The following CFAP299 variants were observed in gnomAD, a reference collection of about 807,000 sequenced individuals.
CFAP299 encodes cilia- and flagella-associated protein 299.
In CFAP299, 21 loss-of-function variants were observed where a neutral mutation model predicts 27.0. The observed-to-expected ratio is 0.78, with a 90% confidence interval of 0.55 to 1.12. CFAP299 has a LOEUF of 1.12. Ranked by LOEUF, CFAP299 falls within the 50% of genes most tolerant of loss-of-function variation. The pLI, the probability that CFAP299 is intolerant of heterozygous loss-of-function variation, is 0.00. For missense variants in CFAP299, 310 were observed against 276.6 expected, an observed-to-expected ratio of 1.12 and a Z score of -0.86; for synonymous variants, 104 against 98.1, an observed-to-expected ratio of 1.06 and a Z score of -0.36.
At chr4:80,902,971 A>T (rs1735003747) in intron 4 of CFAP299, among the ~76,000 whole-genome samples, 1 of 152,146 alleles carries the variant, frequency 6.6e-6, no homozygotes, top group African/African-American at 2.4e-5. Flanking sequence ...GACATATTTT[A>T]GTATAATTTC....
chr4:80,385,088 G>T (rs558842794), intron 2 of CFAP299, among the ~76,000 whole-genome samples: 3 of 151,952 alleles, frequency 2.0e-5, no homozygotes, highest in African/African-American at 7.3e-5. Flanking sequence ...CCCTATTATT[G>T]TTTATGATGA....
At chr4:80,884,595 GAAGAAAATAATA>G (rs1733879424) in intron 4 of CFAP299, among the ~76,000 whole-genome samples, 1 of 140,940 alleles carries the variant, frequency 7.1e-6, no homozygotes, top group South Asian at 2.2e-4. Context: ...CATAGCAGAG[GAAGAAAATAATA>G]AAGAAAATTA....
chr4:80,392,884 T>G lies in CFAP299; in HGVS notation c.242+30000T>G, dbSNP rs147068246. Among the ~76,000 whole-genome samples, 549 of 152,302 alleles carry G rather than the reference T, an allele frequency of 3.6e-3. 3 individuals are homozygous for G. Among genetic ancestry groups the G allele is most frequent in the African/African-American group, 0.012 (517 of 41,554 alleles). Reference sequence around the variant, plus strand: ...TATACTATTTATCATTATTTTAAAGTGCACTCCTTCTACTTATTAAAAAAA... The same window carrying G: ...TATACTATTTATCATTATTTTAAAGGGCACTCCTTCTACTTATTAAAAAAA... On this transcript the variant is annotated intron_variant, in intron 2 of 5. Coordinates refer to ENST00000358105, the MANE Select transcript of CFAP299 (RefSeq NM_152770.3).
chr4:80,808,225 T>C (rs952966847), intron 3 of CFAP299, among the ~76,000 whole-genome samples: 3 of 152,110 alleles, frequency 2.0e-5, no homozygotes, highest in Admixed American at 1.3e-4. Flanking sequence ...AAAATGAATA[T>C]GTTGACCATT....
intron 3 of CFAP299, among the ~76,000 whole-genome samples, chr4:80,743,473 G>A (rs2110065858): frequency 6.6e-6 from 1 of 152,216 alleles, no homozygotes; most frequent in Non-Finnish European, 1.5e-5. Flanking sequence ...ATTAATATAT[G>A]TGGATAAATG....
intron 2 of CFAP299, among the ~76,000 whole-genome samples, chr4:80,424,924 C>T (rs1727462745): frequency 6.6e-6 from 1 of 152,106 alleles, no homozygotes; most frequent in Non-Finnish European, 1.5e-5. Flanking sequence ...GGGAGCCCAG[C>T]CAGAACCAGC....
intron 3 of CFAP299, among the ~76,000 whole-genome samples, chr4:80,626,323 T>G (rs1738902117): frequency 6.6e-6 from 1 of 151,900 alleles, no homozygotes; most frequent in Non-Finnish European, 1.5e-5. Flanking sequence ...TTTAAAAATT[T>G]CTTAAGACAA....
chr4:80,422,496 G>A (rs1727335776), intron 2 of CFAP299, among the ~76,000 whole-genome samples: 2 of 152,102 alleles, frequency 1.3e-5, no homozygotes, highest in African/African-American at 4.8e-5. Flanking sequence ...GCAAGGTCTT[G>A]TACTTTTTCA....
At chr4:80,882,614 G>A (rs1733765113) in intron 4 of CFAP299, among the ~76,000 whole-genome samples, 1 of 150,974 alleles carries the variant, frequency 6.6e-6, no homozygotes, top group Non-Finnish European at 1.5e-5. Context: ...CTCAGGCTTG[G>A]GCAAAAGAGC....
intron 3 of CFAP299, among the ~76,000 whole-genome samples, chr4:80,693,093 T>A (rs572410241): frequency 1.0e-3 from 153 of 152,410 alleles, no homozygotes; most frequent in Non-Finnish European, 1.5e-3. Context: ...TTTACACTGT[T>A]GGTGGGACTG....
At chr4:80,840,138 AT>A (rs1328848474) in intron 3 of CFAP299, among the ~76,000 whole-genome samples, 1 of 152,134 alleles carries the variant, frequency 6.6e-6, no homozygotes, top group Admixed American at 6.6e-5. Flanking sequence ...TTTATGAAAA[AT>A]ATATGAATTT....
At chr4:80,805,723 A>C (rs1217279728) in intron 3 of CFAP299, among the ~76,000 whole-genome samples, 1 of 151,952 alleles carries the variant, frequency 6.6e-6, no homozygotes, top group Non-Finnish European at 1.5e-5. Context: ...AAATAAAAAT[A>C]AATAACTGGG....
chr4:80,824,939 G>T (rs1578159005), intron 3 of CFAP299, among the ~76,000 whole-genome samples: 1 of 152,006 alleles, frequency 6.6e-6, no homozygotes, highest in African/African-American at 2.4e-5. Flanking sequence ...GTGACCAGAT[G>T]TCAGACCTAC....
Position 80,547,849 on chromosome 4 carries a change from A to G in CFAP299, c.243-35244A>G, listed in dbSNP as rs192011035. 5.1e-3 allele frequency among the ~76,000 whole-genome samples: 773 copies of G among 152,348 alleles called. 5 individuals carry two copies. The highest frequency in any genetic ancestry group is 0.017 in the Middle Eastern group (5 of 294). On this transcript the variant is annotated intron_variant, in intron 2 of 5. Coordinates refer to ENST00000358105, the MANE Select transcript of CFAP299 (RefSeq NM_152770.3). ...GAGATACCATTTCACACCAGTCAGA[A>G]TACCTATTGTTAAAAAGTCAAAAAA...
intron 4 of CFAP299, among the ~76,000 whole-genome samples, chr4:80,940,592 T>C (rs554043019): frequency 6.6e-6 from 1 of 152,318 alleles, no homozygotes; most frequent in East Asian, 1.9e-4. Flanking sequence ...TTAAAATCGC[T>C]GTTGCTGTAG....
chr4:80,478,152 A>G (rs1187941962), intron 2 of CFAP299, among the ~76,000 whole-genome samples: 2 of 152,208 alleles, frequency 1.3e-5, no homozygotes, highest in African/African-American at 4.8e-5. Flanking sequence ...TTAAATTGTG[A>G]TAAAGGATGT....
intron 3 of CFAP299, among the ~76,000 whole-genome samples, chr4:80,845,895 TTTTC>T (rs1300236739): frequency 6.6e-6 from 1 of 152,196 alleles, no homozygotes; most frequent in African/African-American, 2.4e-5. Context: ...AAAAATTATT[TTTTC>T]TTTCTATCAA....
intron 4 of CFAP299, among the ~76,000 whole-genome samples, chr4:80,912,755 C>T (rs113590895): frequency 6.6e-6 from 1 of 152,142 alleles, no homozygotes; most frequent in African/African-American, 2.4e-5. Context: ...CACATGATCC[C>T]ATAAAAGAAA....
At chr4:80,926,817 G>A (rs1736332601) in intron 4 of CFAP299, among the ~76,000 whole-genome samples, 1 of 152,038 alleles carries the variant, frequency 6.6e-6, no homozygotes, top group Non-Finnish European at 1.5e-5. Flanking sequence ...ATAAGGCAAT[G>A]GTCTCACTTG....
Sources: gnomAD v4.1 joint callset for allele counts (sites outside exome capture counted in the v4.1 genomes callset) on GRCh38, gnomAD v4.1.1 for gene constraint, MANE v1.5 for transcripts, NCBI Gene and HGNC (gene_info 2026-07-23, HGNC 2026-07-21) for gene names.